Variants in BRDT observed in about 807,000 individuals in gnomAD.
BRDT encodes bromodomain testis associated, also known as bromodomain testis-specific protein.
A neutral mutation model predicts 113.9 loss-of-function variants in BRDT; 77 were observed. That is an observed-to-expected ratio of 0.68 (90% CI 0.56 to 0.82). The LOEUF is 0.82. Ranked by LOEUF, BRDT falls within the 40% of genes least tolerant of loss-of-function variation. The pLI, the probability that BRDT is intolerant of heterozygous loss-of-function variation, is 0.00. For missense variants in BRDT, 1,027 were observed against 1,105.4 expected (o/e 0.93, Z 1.01); for synonymous variants, 358 against 366.5 (o/e 0.98, Z 0.26).
intron 2 of BRDT, 84 bp from the exon 3 acceptor site, chr1:91,964,543 G>A: frequency 1.2e-6 from 1 of 854,328 alleles, no homozygotes; most frequent in Non-Finnish European, 1.7e-6. Context: ...AGTTGCAGGT[G>A]TATAGTGCAT....
At chr1:92,001,225 G>A (rs778676403) in intron 15 of BRDT, among the ~76,000 whole-genome samples, 6 of 152,194 alleles carry the variant, frequency 3.9e-5, no homozygotes, top group Non-Finnish European at 7.3e-5. Context: ...TAGGCTGGGC[G>A]CGTAATACCT....
chr1:91,957,652 T>TA (rs1681933906), intron 1 of BRDT: 1 of 152,114 alleles, frequency 6.6e-6, no homozygotes. Flanking sequence ...CCAACATTAA[T>TA]AGTTTCCATA....
At chr1:91,960,313 G>C (rs1363031128) in intron 1 of BRDT, among the ~76,000 whole-genome samples, 1 of 152,118 alleles carries the variant, frequency 6.6e-6, no homozygotes, top group East Asian at 1.9e-4. Flanking sequence ...ATCAATGAAT[G>C]AATGGATAAA....
chr1:92,000,618 T>C (rs1028999025), intron 15 of BRDT, among the ~76,000 whole-genome samples: 1 of 152,160 alleles, frequency 6.6e-6, no homozygotes, highest in Non-Finnish European at 1.5e-5. Flanking sequence ...CCCTATAATA[T>C]GTAAGTGGCC....
At chr1:92,012,756 C>G (rs1269967915) in intron 18 of BRDT, among the ~76,000 whole-genome samples, 1 of 151,090 alleles carries the variant, frequency 6.6e-6, no homozygotes, top group Non-Finnish European at 1.5e-5. Context: ...ACTAAAACTA[C>G]AAGATTAGTT....
chr1:91,992,804 G>A (rs1318766745), intron 14 of BRDT, among the ~76,000 whole-genome samples: 1 of 152,228 alleles, frequency 6.6e-6, no homozygotes, highest in East Asian at 1.9e-4. Flanking sequence ...CCAAAGTGCT[G>A]GGATTACAGG....
intron 4 of BRDT, among the ~76,000 whole-genome samples, chr1:91,970,889 C>T (rs577292735): frequency 2.1e-4 from 27 of 127,468 alleles, no homozygotes; most frequent in African/African-American, 2.4e-4. Context: ...AGCAACAGAG[C>T]GACAGAGCAA....
intron 4 of BRDT, among the ~76,000 whole-genome samples, chr1:91,975,606 T>A (rs1299270808): frequency 6.6e-6 from 1 of 151,986 alleles, no homozygotes. Flanking sequence ...TGCTGGCGGG[T>A]TGGATATGGA....
In BRDT at chr1:91,958,386, T is replaced by G. The variant is rs116371329; in HGVS notation, c.-37-4332T>G. ...GTTCACTGCCATGCCCGGCTAGTTT[T>G]CGTGTTTTTAGTAGAGATGGGTTTT... On this transcript the variant is annotated intron_variant, in intron 1 of 18. Coordinates refer to ENST00000399546, the MANE Select transcript of BRDT (RefSeq NM_207189.4). Among the ~76,000 whole-genome samples, 124 of 152,186 alleles carry G rather than the reference T, an allele frequency of 8.1e-4. 1 individual carries two copies. Among genetic ancestry groups the G allele is most frequent in the Non-Finnish European group, 1.5e-3 (99 of 68,020 alleles).
chr1:91,991,110 T>C (rs1685712562), intron 12 of BRDT, 74 bp from the exon 13 acceptor site: 1 of 1,011,820 alleles, frequency 9.9e-7, no homozygotes, highest in Non-Finnish European at 1.4e-6. Flanking sequence ...ACTGTGTTTC[T>C]AATATGGAAA....
At chr1:91,994,731 A>G (rs567006223) in intron 15 of BRDT, among the ~76,000 whole-genome samples, 4 of 150,588 alleles carry the variant, frequency 2.7e-5, no homozygotes, top group East Asian at 1.9e-4. Context: ...AGCCGGGCGC[A>G]GTGGCGGGCG....
chr1:91,987,868 G>T lies in BRDT; in HGVS notation c.2003-3316G>T, dbSNP rs555887053. Among the ~76,000 whole-genome samples, 88 of 151,302 alleles carry T rather than the reference G, an allele frequency of 5.8e-4. No individual in the cohort carries two copies. The Middle Eastern group carries it at 0.017, about 29-fold the overall frequency. ...TGGGTTTTTTTTGTTTTGTTTTGTT[G>T]AGACAGAGTCTCGCAGTTTCACCCA... is the stretch of plus-strand genomic sequence containing the variant. On this transcript the variant is annotated intron_variant, in intron 12 of 18. Transcript: ENST00000399546.
rs1292420647 is a variant in BRDT, at chr1:91,994,253, A to G, written c.2286A>G (p.Ser762=). The G allele has an allele frequency of 1.9e-6, 3 of 1,601,050 alleles. No individual in the cohort carries two copies. The highest frequency in any genetic ancestry group is 1.7e-5 in the Admixed American group (1 of 57,876). Residue 762 remains serine (S), a splice_region_variant and synonymous_variant, in exon 15 of 19, where the codon TCA becomes TCG. Transcript: ENST00000399546. The stretch of plus-strand genomic sequence containing the variant: ...CACCTTTACAAATTCTGCCTCCCTC[A>G]GGTAAGAAATTAACAAGTAAACAAC... ...NISPLQILPP[S]GDSEQLSNGI...
At chr1:91,983,831 G>A (rs1192722875) in intron 12 of BRDT, among the ~76,000 whole-genome samples, 1 of 151,916 alleles carries the variant, frequency 6.6e-6, no homozygotes, top group Non-Finnish European at 1.5e-5. Context: ...ACAAGTGGAT[G>A]CCACCACACC....
chr1:91,992,512 C>T (rs1483893632), intron 14 of BRDT, among the ~76,000 whole-genome samples, 198 bp downstream of exon 14: 1 of 151,092 alleles, frequency 6.6e-6, no homozygotes, highest in Non-Finnish European at 1.5e-5. Context: ...GCTTTGGACA[C>T]GTAAGTGAAA....
In BRDT at chr1:91,977,254, G is replaced by A; in HGVS notation, c.830G>A (p.Ser277Asn). The A allele has an allele frequency of 1.2e-6, 2 of 1,614,092 alleles. No individual in the cohort carries two copies. Among genetic ancestry groups the A allele is most frequent in the Non-Finnish European group, 8.5e-7 (1 of 1,179,998 alleles). Residue 277 changes from serine (S) to asparagine (N), a missense_variant, in exon 6 of 19, where the codon AGT becomes AAT. Physicochemically the swap from Ser to Asn is conservative, Grantham distance 46. Coordinates refer to ENST00000399546, the MANE Select transcript of BRDT (RefSeq NM_207189.4). ...VKVTEQLRHC[S>N]EILKEMLAKK... ...GTAACTGAACAATTAAGGCACTGTA[G>A]TGAGATTCTTAAAGAAATGCTTGCA... is the stretch of plus-strand genomic sequence containing the variant.
intron 15 of BRDT, 58 bp from the exon 16 acceptor site, chr1:92,001,991 T>C (rs1686894369): frequency 7.9e-7 from 1 of 1,266,160 alleles, no homozygotes; most frequent in Non-Finnish European, 1.1e-6. Flanking sequence ...AAAATCAAAT[T>C]CTGGGTAAGT....
At position 91,991,238 on chromosome 1, in the gene BRDT, A is replaced by G; in HGVS notation, c.2057A>G (p.Asn686Ser). Residue 686 changes from asparagine (N) to serine (S), a missense_variant, in exon 13 of 19, where the codon AAT (asparagine) becomes AGT (serine). Asn to Ser is a conservative substitution (Grantham distance 46). Transcript: ENST00000399546. Reference protein sequence around the residue: ...VKPNDSPSKENVKKMKNECIP... With the variant: ...VKPNDSPSKESVKKMKNECIP... ...CCAAATGATTCTCCTTCTAAAGAGA[A>G]TGTAAAGGTAAGTGAATTCTTTATT... is the stretch of plus-strand genomic sequence containing the variant. 6.5e-7 allele frequency: 1 copy of G among 1,536,400 alleles called. No homozygotes were observed. Among genetic ancestry groups the G allele is most frequent in the African/African-American group, 1.4e-5 (1 of 72,988 alleles).
rs867233692 is a variant in BRDT at position 91,954,785 on chromosome 1, C to G, written c.-38+5103C>G. ...GACCAGCTTGAGCAGCATGGTGAAC[C>G]CTCATCTCTACTAAAAAAATTAAAA... On this transcript the variant is annotated intron_variant, in intron 1 of 18. Coordinates refer to ENST00000399546, the MANE Select transcript of BRDT (RefSeq NM_207189.4). Among the ~76,000 whole-genome samples, 54 of 151,692 alleles carry G rather than the reference C, an allele frequency of 3.6e-4. 1 individual carries two copies. The Middle Eastern group carries it at 0.02, about 57-fold the overall frequency.
Sources: gnomAD v4.1 joint callset for allele counts (sites outside exome capture counted in the v4.1 genomes callset) on GRCh38, gnomAD v4.1.1 for gene constraint, MANE v1.5 for transcripts, NCBI Gene and HGNC (gene_info 2026-07-23, HGNC 2026-07-21) for gene names.